ANK1: variants seen among roughly 807,000 people sequenced by gnomAD.
ANK1 encodes ankyrin-1.
Under a neutral mutation model 210.4 loss-of-function variants are expected in ANK1, and 51 were observed. That is an observed-to-expected ratio of 0.24 (90% confidence interval 0.19 to 0.31). The LOEUF is 0.31. Among genes scored for constraint, ANK1 ranks in the 10% least tolerant of loss-of-function variants. The probability of loss-of-function intolerance (pLI) is 1.00; values close to 1 mark genes in which losing one functional copy is unlikely to be tolerated. For synonymous variants in ANK1, 967 were observed against 1,025.9 expected (o/e 0.94, Z 1.10); for missense variants, 2,051 against 2,504.4 (o/e 0.82, Z 3.86).
intron 1 of ANK1, among the ~76,000 whole-genome samples, chr8:41,858,714 G>A (rs1812678552): frequency 6.6e-6 from 1 of 152,236 alleles, no homozygotes; most frequent in Non-Finnish European, 1.5e-5. Flanking sequence ...TAGTCTCCTT[G>A]TCTAGAAAAA....
intron 1 of ANK1, among the ~76,000 whole-genome samples, chr8:41,892,872 A>G (rs985173473): frequency 3.9e-5 from 6 of 152,184 alleles, no homozygotes; most frequent in Non-Finnish European, 5.9e-5. Flanking sequence ...TCAGGTACAC[A>G]GCTATGAATA....
At chr8:41,785,481 G>C (rs1846151995) in intron 1 of ANK1, among the ~76,000 whole-genome samples, 1 of 152,236 alleles carries the variant, frequency 6.6e-6, no homozygotes, top group Non-Finnish European at 1.5e-5. Flanking sequence ...TAGCTACGGA[G>C]AGGTGAGTAA....
intron 1 of ANK1, among the ~76,000 whole-genome samples, chr8:41,864,580 G>A (rs193166633): frequency 2.0e-5 from 3 of 152,260 alleles, no homozygotes; most frequent in Admixed American, 1.3e-4. Context: ...CGGCTTCCTT[G>A]TAAACAACAG....
In ANK1 at chr8:41,717,651, C is replaced by T. The variant is rs1024028123; in HGVS notation, c.1258G>A (p.Val420Met). ...GCCCCCCGCTGCAGGAGGTTCTTCA[C>T]GATGGGAAGGTGCCCCATGAAGGAG... ...VASFMGHLPIVKNLLQRGASP... is the reference protein window; with the variant it reads ...VASFMGHLPIMKNLLQRGASP... Residue 420 changes from valine to methionine, a missense_variant, in exon 12 of 43, where the codon GTG (valine) becomes ATG (methionine). Transcript: ENST00000289734. 48 of 1,551,670 alleles carry T rather than the reference C, an allele frequency of 3.1e-5. No individual in the cohort carries two copies. The highest frequency in any genetic ancestry group is 7.3e-5 in the East Asian group (3 of 40,914).
At chr8:41,739,356 C>G (rs1834147604) in intron 2 of ANK1, among the ~76,000 whole-genome samples, 1 of 152,102 alleles carries the variant, frequency 6.6e-6, no homozygotes, top group Admixed American at 6.6e-5. Flanking sequence ...AAATTTCCAT[C>G]TACTCATGAA....
intron 3 of ANK1, among the ~76,000 whole-genome samples, chr8:41,731,157 C>T (rs75118776): frequency 0.038 from 5,849 of 152,316 alleles, 139 homozygotes; most frequent in Non-Finnish European, 0.05. Flanking sequence ...AAGAAGGCCC[C>T]TGGCCTAAGT....
intron 1 of ANK1, among the ~76,000 whole-genome samples, chr8:41,787,643 G>A (rs1846693388): frequency 6.6e-6 from 1 of 152,138 alleles, no homozygotes; most frequent in Non-Finnish European, 1.5e-5. Context: ...TCTGATTAAG[G>A]CTAAACTAAA....
intron 1 of ANK1, among the ~76,000 whole-genome samples, chr8:41,762,481 C>A (rs1292542904): frequency 6.6e-6 from 1 of 152,196 alleles, no homozygotes; most frequent in Admixed American, 6.5e-5. Context: ...AGTCTTCTAT[C>A]TCTTTTGAAT....
At chr8:41,767,755 C>G (rs902229420) in intron 1 of ANK1, among the ~76,000 whole-genome samples, 2 of 152,154 alleles carry the variant, frequency 1.3e-5, no homozygotes, top group African/African-American at 4.8e-5. Flanking sequence ...GGGAGGCACA[C>G]ACGTCCAGTG....
intron 1 of ANK1, among the ~76,000 whole-genome samples, chr8:41,816,785 G>T (rs1803418229): frequency 6.6e-6 from 1 of 152,002 alleles, no homozygotes; most frequent in African/African-American, 2.4e-5. Context: ...AAAGCACTTT[G>T]GTTAATTTCT....
intron 1 of ANK1, among the ~76,000 whole-genome samples, chr8:41,878,722 T>C (rs915058779): frequency 3.3e-5 from 5 of 152,174 alleles, no homozygotes; most frequent in African/African-American, 1.2e-4. Context: ...CTCATGCAAC[T>C]GGACAGGTTG....
At chr8:41,741,260 G>A (rs1477081448) in intron 2 of ANK1, among the ~76,000 whole-genome samples, 3 of 152,150 alleles carry the variant, frequency 2.0e-5, no homozygotes, top group African/African-American at 4.8e-5. Context: ...CTTTGTGTCC[G>A]TTCCTCCCTC....
intron 2 of ANK1, among the ~76,000 whole-genome samples, chr8:41,748,278 C>T (rs1392587627): frequency 6.6e-6 from 1 of 152,232 alleles, no homozygotes; most frequent in East Asian, 1.9e-4. Context: ...AATACCACAA[C>T]ACCATCATTT....
chr8:41,770,063 C>T (rs1401954011), intron 1 of ANK1, among the ~76,000 whole-genome samples: 2 of 139,832 alleles, frequency 1.4e-5, no homozygotes, highest in Admixed American at 1.6e-4. Context: ...CTCACTGCAA[C>T]CCCCGCCTCC....
chr8:41,739,729 A>G (rs1289424789), intron 2 of ANK1, among the ~76,000 whole-genome samples: 4 of 151,960 alleles, frequency 2.6e-5, no homozygotes, highest in Non-Finnish European at 4.4e-5. Flanking sequence ...CTTTCAGTGC[A>G]CCACAGCCTT....
chr8:41,691,690 T>C (rs1465566680), intron 31 of ANK1, among the ~76,000 whole-genome samples: 1 of 152,198 alleles, frequency 6.6e-6, no homozygotes. Context: ...ATGTAGACTC[T>C]GGGGCCAGAG....
At chr8:41,765,629 C>T (rs756499063) in intron 1 of ANK1, among the ~76,000 whole-genome samples, 12 of 152,096 alleles carry the variant, frequency 7.9e-5, no homozygotes, top group Non-Finnish European at 1.5e-4. Flanking sequence ...GGAGGCTGTG[C>T]CCACGTCAGG....
In ANK1 at chr8:41,694,518, G is replaced by T. The variant is rs1820255974; in HGVS notation, c.3327+74C>A. The T allele has an allele frequency of 7.1e-7, 1 of 1,409,118 alleles. No homozygotes were observed. The highest frequency in any genetic ancestry group is 9.9e-7 in the Non-Finnish European group (1 of 1,014,666). The allele number at this position is 1,409,118 out of a possible 1,614,324, so 87.3% of individuals were successfully genotyped here. ...CAGACAAAAGTGTGGGGATGTCCTG[G>T]GGAAGAGGGTGGCCTTCCCGGAGGC... On this transcript the variant is annotated intron_variant, in intron 28 of 42. Transcript: ENST00000289734. This position sits in a 1 kb window ranked among gnomAD's most constrained non-coding sequence, Gnocchi z 5.7.
At chr8:41,667,185 G>A (rs1041575073) in intron 39 of ANK1, among the ~76,000 whole-genome samples, 2 of 152,204 alleles carry the variant, frequency 1.3e-5, no homozygotes, top group Non-Finnish European at 2.9e-5. Context: ...CACATACTTG[G>A]CAGGGGAGCA....
Sources: gnomAD v4.1 joint callset for allele counts (sites outside exome capture counted in the v4.1 genomes callset) on GRCh38, gnomAD v4.1.1 for gene constraint, Gnocchi (gnomAD v3.1) non-coding constraint, MANE v1.5 for transcripts, NCBI Gene and HGNC (gene_info 2026-07-23, HGNC 2026-07-21) for gene names.